CELF2: variants seen among roughly 807,000 people sequenced by gnomAD.
The protein encoded by CELF2 is CUGBP Elav-like family member 2, also known as CUG triplet repeat RNA-binding protein 2.
Under a neutral mutation model 62.6 loss-of-function variants are expected in CELF2, and 8 were observed. The observed-to-expected ratio is 0.13, with a 90% CI of 0.07 to 0.23. The LOEUF (loss-of-function observed/expected upper bound fraction) is 0.23, where lower values mean the gene tolerates loss of function less well. Ranked by LOEUF, CELF2 falls within the 10% of genes least tolerant of loss-of-function variation. CELF2 has a pLI of 1.00. For missense variants in CELF2, 333 were observed against 671.0 expected, an observed-to-expected ratio of 0.50 and a Z score of 5.56; for synonymous variants, 258 against 250.0, an observed-to-expected ratio of 1.03 and a Z score of -0.30.
chr10:10,680,427 C>T, the CELF2 span, among the ~76,000 whole-genome samples: 16 of 152,162 alleles, frequency 1.1e-4, no homozygotes, highest in Non-Finnish European at 4.4e-5. Context: ...GGATCCAGGA[C>T]AGTTCCAAGA....
At chr10:10,921,356 G>A (rs746465079) in intron 2 of CELF2, among the ~76,000 whole-genome samples, 5 of 150,742 alleles carry the variant, frequency 3.3e-5, no homozygotes, top group African/African-American at 7.3e-5. Context: ...TGCAACCTCC[G>A]CCCCTGGGTT....
At position 11,207,233 on chromosome 10, in the gene CELF2, G is replaced by A. The variant is rs10795849; in HGVS notation, c.272-10192G>A. 0.67 allele frequency among the ~76,000 whole-genome samples: 102,500 copies of A among 152,112 alleles called. 36,102 individuals are homozygous for A. Among genetic ancestry groups the A allele is most frequent in the Non-Finnish European group, 0.8 (54,316 of 68,000 alleles). ...TCCCAAGAGGCTTGAAAATGCAGTC[G>A]ATTTAATCTAGGTCAAAAGGAAAGA... is the stretch of plus-strand genomic sequence containing the variant. On this transcript the variant is annotated intron_variant, in intron 2 of 12. Transcript: ENST00000633077. This position sits in a 1 kb window ranked among gnomAD's most constrained non-coding sequence, Gnocchi z 4.1.
the CELF2 span, among the ~76,000 whole-genome samples, chr10:10,468,030 G>C: frequency 3.3e-5 from 5 of 151,930 alleles, no homozygotes; most frequent in Non-Finnish European, 7.4e-5. Flanking sequence ...AGAAAAAATG[G>C]TGTCCTTTAA....
chr10:10,611,290 A>G, the CELF2 span, among the ~76,000 whole-genome samples: 1 of 152,140 alleles, frequency 6.6e-6, no homozygotes, highest in South Asian at 2.1e-4. Flanking sequence ...GCCATTGAGA[A>G]CCAACACAGC....
intron 2 of CELF2, among the ~76,000 whole-genome samples, chr10:10,985,819 C>G (rs534699330): frequency 1.3e-5 from 2 of 152,316 alleles, no homozygotes; most frequent in Middle Eastern, 3.4e-3. Flanking sequence ...TGGGTCTGCA[C>G]GTGGGCCTGA....
At chr10:10,654,533 C>CT in the CELF2 span, among the ~76,000 whole-genome samples, 2 of 103,568 alleles carry the variant, frequency 1.9e-5, no homozygotes, top group Non-Finnish European at 4.1e-5. Context: ...ATCAAGTGGG[C>CT]TTCATCCCTG....
rs796747327 is a variant in CELF2 at position 11,217,068 on chromosome 10, G to T, written c.272-357G>T. On this transcript the variant is annotated intron_variant, in intron 2 of 12. Coordinates refer to ENST00000633077, the MANE Select transcript of CELF2 (RefSeq NM_001326342.2). This position sits in a 1 kb window ranked among gnomAD's most constrained non-coding sequence, Gnocchi z 5.6. Reference sequence around the variant, plus strand: ...AGAAAATTATAATTAATGTAAGCTTGTGCTGTTGTTATTGTGATTAAATGC... The same window carrying T: ...AGAAAATTATAATTAATGTAAGCTTTTGCTGTTGTTATTGTGATTAAATGC... Among the ~76,000 whole-genome samples, 6 of 152,300 alleles carry T rather than the reference G, an allele frequency of 3.9e-5. No individual in the cohort carries two copies. The highest frequency in any genetic ancestry group is 1.4e-4 in the African/African-American group (6 of 41,556).
the CELF2 span, among the ~76,000 whole-genome samples, chr10:10,593,039 G>T: frequency 6.6e-6 from 1 of 152,130 alleles, no homozygotes; most frequent in Non-Finnish European, 1.5e-5. Context: ...TGAGAGAAAG[G>T]GCATTCCCAG....
chr10:11,053,560 A>AT (rs1203449770), intron 1 of CELF2, among the ~76,000 whole-genome samples: 129 of 144,752 alleles, frequency 8.9e-4, no homozygotes, highest in Middle Eastern at 3.5e-3. Flanking sequence ...AGAAACACAC[A>AT]TTTTTTAAAA....
Position 11,290,681 on chromosome 10 carries a change from G to A in CELF2, c.976+2129G>A, listed in dbSNP as rs1169088108. Among the ~76,000 whole-genome samples, 1 of 152,174 alleles carries A rather than the reference G, an allele frequency of 6.6e-6. No individual in the cohort carries two copies. The highest frequency in any genetic ancestry group is 1.5e-5 in the Non-Finnish European group (1 of 68,038). ...GTGGGATGAGCCTTCCTCCCTGCTG[G>A]AGTCAAAACCACACCAGCGCAGCGT... On this transcript the variant is annotated intron_variant, in intron 9 of 12. Coordinates refer to ENST00000633077, the MANE Select transcript of CELF2 (RefSeq NM_001326342.2). This position sits in a 1 kb window ranked among gnomAD's most constrained non-coding sequence, Gnocchi z 4.3.
intron 1 of CELF2, among the ~76,000 whole-genome samples, chr10:11,049,790 CG>C (rs1377323419): frequency 6.6e-6 from 1 of 151,940 alleles, no homozygotes; most frequent in African/African-American, 2.4e-5. Flanking sequence ...TGTTGTGGGG[CG>C]GGGAGTGCTA....
rs138693969 is a variant in CELF2 at position 11,130,907 on chromosome 10, G to A, written c.75-34579G>A. Among the ~76,000 whole-genome samples, 938 of 152,260 alleles carry A rather than the reference G, an allele frequency of 6.2e-3. 6 individuals carry two copies. Among genetic ancestry groups the A allele is most frequent in the Admixed American group, 9.7e-3 (148 of 15,302 alleles). ...TGAGGAGAAAGCCAGTCCCTCCAAA[G>A]TTAGAGATATGAGAATCCCCTGAAA... On this transcript the variant is annotated intron_variant, in intron 1 of 12. Transcript: ENST00000633077.
At chr10:11,054,507 G>GTGTGTGTGTGTGTGTGTA (rs1554804124) in intron 1 of CELF2, among the ~76,000 whole-genome samples, 24 of 151,152 alleles carry the variant, frequency 1.6e-4, no homozygotes, top group African/African-American at 5.9e-4. Flanking sequence ...GTGTGTGTGT[G>GTGTGTGTGTGTGTGTGTA]TGTGTGTGTG....
the CELF2 span, among the ~76,000 whole-genome samples, chr10:10,608,441 T>C: frequency 1.4e-3 from 207 of 152,302 alleles, 1 homozygote; most frequent in African/African-American, 4.7e-3. Context: ...ACAGGATCCT[T>C]AATTAGCTCC....
intron 1 of CELF2, among the ~76,000 whole-genome samples, chr10:10,828,722 A>G (rs1473261944): frequency 6.6e-6 from 1 of 152,220 alleles, no homozygotes; most frequent in Non-Finnish European, 1.5e-5. Context: ...TATAAAACCA[A>G]TATTTATGTT....
rs962374124 is a variant in CELF2 at position 10,990,201 on chromosome 10, T to A, written c.89+70202T>A. Among the ~76,000 whole-genome samples the A allele has an allele frequency of 6.6e-6, 1 of 152,156 alleles. No homozygotes were observed. The highest frequency in any genetic ancestry group is 1.5e-5 in the Non-Finnish European group (1 of 67,998). ...ATGGTTAAATAAATTATGGGATATT[T>A]GTAAAATGAAATAATATATAATCCT... On this transcript the variant is annotated intron_variant, in intron 2 of 13. Coordinates refer to the CELF2 transcript ENST00000636488. This position sits in a 1 kb window ranked among gnomAD's most constrained non-coding sequence, Gnocchi z 4.6.
At chr10:11,132,133 C>T (rs7093401) in intron 1 of CELF2, among the ~76,000 whole-genome samples, 2,307 of 152,330 alleles carry the variant, frequency 0.015, 51 homozygotes, top group African/African-American at 0.053. Context: ...TCCCTTACTT[C>T]CTTCCCTTAT....
the CELF2 span, among the ~76,000 whole-genome samples, chr10:10,731,154 G>T: frequency 6.6e-6 from 1 of 151,826 alleles, no homozygotes; most frequent in Non-Finnish European, 1.5e-5. Flanking sequence ...ATTAAATATT[G>T]CAGTAGTCCA....
rs896719248 is a variant in CELF2, at chr10:10,847,267, G to C, written c.53+48450G>C. Among the ~76,000 whole-genome samples the C allele has an allele frequency of 5.9e-5, 9 of 151,948 alleles. 1 individual carries two copies. Among genetic ancestry groups the C allele is most frequent in the Admixed American group, 3.9e-4 (6 of 15,234 alleles). On this transcript the variant is annotated intron_variant, in intron 1 of 13. Transcript: ENST00000636488. ...GTGGAGGATGAAATGGCCTACATTAGGTGCAAAGAAACCTGTATTCTAGTC... is the reference window on the plus strand; with the variant it reads ...GTGGAGGATGAAATGGCCTACATTACGTGCAAAGAAACCTGTATTCTAGTC...
Sources: gnomAD v4.1 joint callset for allele counts (sites outside exome capture counted in the v4.1 genomes callset) on GRCh38, gnomAD v4.1.1 for gene constraint, Gnocchi (gnomAD v3.1) non-coding constraint, MANE v1.5 for transcripts, NCBI Gene and HGNC (gene_info 2026-07-23, HGNC 2026-07-21) for gene names.